Variants in BTNL9 observed in about 807,000 individuals in gnomAD.
BTNL9 encodes the protein butyrophilin-like protein 9.
A neutral mutation model predicts 45.8 loss-of-function variants in BTNL9; 45 were observed. That is an observed-to-expected ratio of 0.98 (90% CI 0.77 to 1.26). The LOEUF (loss-of-function observed/expected upper bound fraction) is 1.26, where lower values mean the gene tolerates loss of function less well. Ranked by LOEUF, BTNL9 falls within the 50% of genes most tolerant of loss-of-function variation. The pLI, the probability that BTNL9 is intolerant of heterozygous loss-of-function variation, is 0.00. For synonymous variants in BTNL9, 346 were observed against 330.8 expected (o/e 1.05, Z -0.50); for missense variants, 784 against 729.7 (o/e 1.07, Z -0.86).
chr5:181,050,129 G>A lies in BTNL9; in HGVS notation c.496G>A (p.Glu166Lys), dbSNP rs1161773158. The A allele has an allele frequency of 1.9e-6, 3 of 1,614,058 alleles. No individual in the cohort carries two copies. The highest frequency in any genetic ancestry group is 2.5e-6 in the Non-Finnish European group (3 of 1,180,028). The change falls in exon 4 of 11, where the codon GAA becomes AAA. Residue 166 changes from glutamate to lysine, a missense_variant. Physicochemically the swap from Glu to Lys is moderately conservative, Grantham distance 56. Transcript: ENST00000327705. This position sits in a 1 kb window ranked among gnomAD's most constrained non-coding sequence, Gnocchi z 4.9. The part of the protein sequence containing the change: ...DPHLSLEGFK[E>K]GGIQLRLRSS... ...TCACCTCTCCCTTGAGGGCTTCAAGGAAGGAGGCATTCAGCTGAGGCTCAG... is the reference window on the plus strand; with the variant it reads ...TCACCTCTCCCTTGAGGGCTTCAAGAAAGGAGGCATTCAGCTGAGGCTCAG...
At position 181,045,409 on chromosome 5, in the gene BTNL9, G is replaced by A. The variant is rs1761044175; in HGVS notation, c.-23-58G>A. ...CAACAGACTTCAGGTCTGATGGAGT[G>A]AGTTCCAGCTCCCCCTACCTTTGCA... On this transcript the variant is annotated intron_variant, in intron 1 of 10. Coordinates refer to ENST00000327705, the MANE Select transcript of BTNL9 (RefSeq NM_152547.5). The A allele has an allele frequency of 4.5e-6, 4 of 883,704 alleles. No individual in the cohort carries two copies. In the East Asian group the frequency reaches 7.3e-5, roughly 16 times the overall value. 54.7% of individuals were successfully genotyped at this position (883,704 alleles called of 1,614,324 possible). A position where few individuals can be genotyped will look rare whatever the true frequency, so the allele number is the denominator to read the frequency against.
At position 181,060,836 on chromosome 5, in the gene BTNL9, T is replaced by A. The variant is rs1387896189; in HGVS notation, c.*974T>A. On this transcript the variant is annotated 3_prime_UTR_variant, in exon 11 of 11. Coordinates refer to ENST00000327705, the MANE Select transcript of BTNL9 (RefSeq NM_152547.5). The stretch of plus-strand genomic sequence containing the variant: ...AGTTTGACAACTGGGGAAAGAAGTG[T>A]TCTTCACCCCCTACCCCCAAGACAT... 1 of 152,254 alleles carries A rather than the reference T, an allele frequency of 6.6e-6. No individual in the cohort carries two copies. Among genetic ancestry groups the A allele is most frequent in the Non-Finnish European group, 1.5e-5 (1 of 68,078 alleles). The allele number at this position is 152,254 out of a possible 1,614,324, so 9.4% of individuals were successfully genotyped here.
rs1761486337 is a variant in BTNL9 at position 181,050,713 on chromosome 5, A to G, written c.736+344A>G. Among the ~76,000 whole-genome samples, 1 of 152,202 alleles carries G rather than the reference A, an allele frequency of 6.6e-6. No homozygotes were observed. The highest frequency in any genetic ancestry group is 2.4e-5 in the African/African-American group (1 of 41,444). ...TATTGAGTTTCCACAACGTGACCCC[A>G]GTCCCTACCCTCAGGTCCCCATGCC... On this transcript the variant is annotated intron_variant, in intron 4 of 10. Transcript: ENST00000327705. This position sits in a 1 kb window ranked among gnomAD's most constrained non-coding sequence, Gnocchi z 4.9.
chr5:181,045,732 T>G (rs1222887422), intron 2 of BTNL9, 134 bp downstream of exon 2: 1 of 697,624 alleles, frequency 1.4e-6, no homozygotes, highest in East Asian at 2.9e-5. Context: ...CCATCCTGGT[T>G]GTTAAAGAGC....
Position 181,055,975 on chromosome 5 carries a change from C to T in BTNL9, c.929-14C>T. ...CTGATGTGCTAATTTCCTGTTTTCC[C>T]TTGGTTGCTTCAGACTGGAGACGGG... On this transcript the variant is annotated splice_polypyrimidine_tract_variant and intron_variant, in intron 8 of 10. Coordinates refer to ENST00000327705, the MANE Select transcript of BTNL9 (RefSeq NM_152547.5). The surrounding 1 kb of genome is among the most constrained non-coding windows in gnomAD (Gnocchi z 4.4). The T allele has an allele frequency of 6.2e-7, 1 of 1,614,118 alleles. No homozygotes were observed. The highest frequency in any genetic ancestry group is 8.5e-7 in the Non-Finnish European group (1 of 1,180,016).
rs764540463 is a variant in BTNL9 at position 181,048,044 on chromosome 5, G to C, written c.227G>C (p.Arg76Pro). 2 of 1,613,684 alleles carry C rather than the reference G, an allele frequency of 1.2e-6. No homozygotes were observed. The highest frequency in any genetic ancestry group is 2.2e-5 in the South Asian group (2 of 91,060). ...DAQQMEIRWFRSQTFNVVHLY... is the reference protein window; with the variant it reads ...DAQQMEIRWFPSQTFNVVHLY... ...CAGCAAATGGAGATCCGCTGGTTCCGGAGTCAGACCTTCAATGTGGTACAC... is the reference window on the plus strand; with the variant it reads ...CAGCAAATGGAGATCCGCTGGTTCCCGAGTCAGACCTTCAATGTGGTACAC... Residue 76 changes from arginine to proline, a missense_variant, in exon 3 of 11, where the codon CGG becomes CCG. By Grantham distance (103) the Arg-to-Pro change is moderately radical. Coordinates refer to ENST00000327705, the MANE Select transcript of BTNL9 (RefSeq NM_152547.5).
intron 3 of BTNL9, among the ~76,000 whole-genome samples, chr5:181,048,595 AG>A (rs1163908860): frequency 6.6e-6 from 1 of 151,460 alleles, no homozygotes; most frequent in East Asian, 2.0e-4. Flanking sequence ...TCTCTTAGCC[AG>A]GTGTGGTGGT....
chr5:181,060,967 C>T lies in BTNL9; in HGVS notation c.*1105C>T, dbSNP rs61744331. 0.064 allele frequency: 9,788 copies of T among 152,170 alleles called. 423 individuals are homozygous for T. Among genetic ancestry groups the T allele is most frequent in the African/African-American group, 0.12 (5,026 of 41,470 alleles). The allele number at this position is 152,170 out of a possible 1,614,324, so 9.4% of individuals were successfully genotyped here. On this transcript the variant is annotated 3_prime_UTR_variant, in exon 11 of 11. Coordinates refer to ENST00000327705, the MANE Select transcript of BTNL9 (RefSeq NM_152547.5). ...CCCAATTTTAAGTGCGTTATAGAGA[C>T]GGGGGTCTCACTTTGTTACCCAGGC...
Position 181,053,456 on chromosome 5 carries a change from C to G in BTNL9, c.854-13C>G, listed in dbSNP as rs753155365. 7.7e-6 allele frequency: 12 copies of G among 1,567,464 alleles called. No homozygotes were observed. The highest frequency in any genetic ancestry group is 2.3e-5 in the East Asian group (1 of 42,612). The stretch of plus-strand genomic sequence containing the variant: ...GCGCGCACTCAGCCCTCTCCGCTCC[C>G]GTTTCCCTTCAGAAAAGCTGAGGAA... On this transcript the variant is annotated splice_polypyrimidine_tract_variant and intron_variant, in intron 5 of 10. Transcript: ENST00000327705. The surrounding 1 kb of genome is among the most constrained non-coding windows in gnomAD (Gnocchi z 6.5).
intron 9 of BTNL9, 56 bp downstream of exon 9, chr5:181,056,071 T>C: frequency 1.3e-6 from 2 of 1,591,334 alleles, no homozygotes; most frequent in South Asian, 1.1e-5. Context: ...AGCACCCCAG[T>C]CCAACTCACC....
Position 181,059,636 on chromosome 5 carries a change from CCTT to C in BTNL9, c.1387_1389del (p.Phe463del), listed in dbSNP as rs768097572. The C allele has an allele frequency of 3.0e-5, 48 of 1,613,548 alleles. No homozygotes were observed. The highest frequency in any genetic ancestry group is 5.3e-5 in the African/African-American group (4 of 74,950). On this transcript the variant is annotated inframe_deletion, in exon 11 of 11. Transcript: ENST00000327705. ...CTGGACTACGAGGCCGGAGAGCTGT[CCTT>C]CTTCAACGTGTCCGACGGCTCCCAC...
intron 4 of BTNL9, among the ~76,000 whole-genome samples, chr5:181,051,762 C>T (rs1037484572): frequency 5.3e-5 from 8 of 152,126 alleles, no homozygotes; most frequent in Non-Finnish European, 5.9e-5. Flanking sequence ...GAAAGAGTCT[C>T]TCTTTTTGCA....
rs1251651605 is a variant in BTNL9 at position 181,059,893 on chromosome 5, G to T, written c.*31G>T. 6.7e-7 allele frequency: 1 copy of T among 1,494,860 alleles called. No individual in the cohort carries two copies. Among genetic ancestry groups the T allele is most frequent in the Admixed American group, 2.1e-5 (1 of 47,284 alleles). The allele number at this position is 1,494,860 out of a possible 1,614,324, so 92.6% of individuals were successfully genotyped here. A position where few individuals can be genotyped will look rare whatever the true frequency, so the allele number is the denominator to read the frequency against. On this transcript the variant is annotated 3_prime_UTR_variant, in exon 11 of 11. Coordinates refer to ENST00000327705, the MANE Select transcript of BTNL9 (RefSeq NM_152547.5). The stretch of plus-strand genomic sequence containing the variant: ...CCTCGTGGCCGCGGGACTGGCCCCG[G>T]GGGGCCCCCTGGATCCCAGGCCAGC...
At chr5:181,046,754 C>T (rs1761194259) in intron 2 of BTNL9, among the ~76,000 whole-genome samples, 2 of 151,964 alleles carry the variant, frequency 1.3e-5, no homozygotes, top group South Asian at 4.2e-4. Flanking sequence ...CTTGGGAGCA[C>T]AGCTAAGAGC....
At chr5:181,058,238 G>A (rs1382973076) in intron 9 of BTNL9, 114 bp from the exon 10 acceptor site, 1 of 1,230,408 alleles carries the variant, frequency 8.1e-7, no homozygotes, top group Non-Finnish European at 1.2e-6. Context: ...GTCACAGTGG[G>A]AATGGGGTCA....
Position 181,053,756 on chromosome 5 carries a change from G to A in BTNL9, c.886+255G>A. On this transcript the variant is annotated intron_variant, in intron 6 of 10. Coordinates refer to ENST00000327705, the MANE Select transcript of BTNL9 (RefSeq NM_152547.5). The surrounding 1 kb of genome is among the most constrained non-coding windows in gnomAD (Gnocchi z 6.5). ...AGGGTTGACCGGCTGCTGTCGTTAC[G>A]CCCTCGGAGCTTCACATCACACTGT... 3 of 1,513,026 alleles carry A rather than the reference G, an allele frequency of 2.0e-6. No individual in the cohort carries two copies. Among genetic ancestry groups the A allele is most frequent in the Non-Finnish European group, 2.7e-6 (3 of 1,131,902 alleles). The allele number at this position is 1,513,026 out of a possible 1,614,324, so 93.7% of individuals were successfully genotyped here. A position where few individuals can be genotyped will look rare whatever the true frequency, so the allele number is the denominator to read the frequency against.
chr5:181,041,590 C>T (rs1015385459), intron 1 of BTNL9, among the ~76,000 whole-genome samples: 4 of 152,164 alleles, frequency 2.6e-5, no homozygotes, highest in African/African-American at 4.8e-5. Context: ...CATAGTGATT[C>T]GCCTGAGTTT....
At chr5:181,054,150 C>T in intron 6 of BTNL9, 89 bp from the exon 7 acceptor site, 1 of 1,589,192 alleles carries the variant, frequency 6.3e-7, no homozygotes, top group East Asian at 2.3e-5. Context: ...GGTGAGGCCT[C>T]AGTGTTCACC....
chr5:181,058,158 T>C (rs1721142000), intron 9 of BTNL9, among the ~76,000 whole-genome samples, 194 bp from the exon 10 acceptor site: 1 of 152,198 alleles, frequency 6.6e-6, no homozygotes, highest in Non-Finnish European at 1.5e-5. Context: ...GACACAGGCC[T>C]CTACTCAATC....
Sources: allele counts gnomAD v4.1 joint callset (sites outside exome capture counted in the v4.1 genomes callset), GRCh38; gene constraint gnomAD v4.1.1; non-coding constraint Gnocchi (gnomAD v3.1); transcripts MANE v1.5; gene names NCBI Gene and HGNC (gene_info 2026-07-23, HGNC 2026-07-21).